The following CSMD1 variants were observed in gnomAD, a reference collection of about 807,000 sequenced individuals.
The protein encoded by CSMD1 is CUB and Sushi multiple domains 1.
CSMD1 carries 213 observed loss-of-function variants against 417.5 expected under a neutral mutation model. That is an observed-to-expected ratio of 0.51 (90% confidence interval 0.46 to 0.57). The LOEUF is 0.57. Ranked by LOEUF, CSMD1 falls within the 20% of genes least tolerant of loss-of-function variation. CSMD1 has a pLI of 0.00. For synonymous variants in CSMD1, 2,862 were observed against 1,736.8 expected, an observed-to-expected ratio of 1.65 and a Z score of -16.11; for missense variants, 6,923 against 4,529.7, an observed-to-expected ratio of 1.53 and a Z score of -15.17.
chr8:4,975,945 A>T (rs1810536028), intron 1 of CSMD1, among the ~76,000 whole-genome samples: 1 of 152,326 alleles, frequency 6.6e-6, no homozygotes, highest in Non-Finnish European at 1.5e-5. Context: ...ACATAATTTT[A>T]TTTACTATGA....
chr8:3,519,125 A>G (rs1013328589), intron 10 of CSMD1, among the ~76,000 whole-genome samples: 1 of 152,212 alleles, frequency 6.6e-6, no homozygotes, highest in African/African-American at 2.4e-5. Flanking sequence ...TGGGTACTGC[A>G]CAACTTAAAA....
At chr8:3,465,259 T>C (rs1041909415) in intron 12 of CSMD1, among the ~76,000 whole-genome samples, 12 of 152,156 alleles carry the variant, frequency 7.9e-5, no homozygotes, top group Admixed American at 6.5e-5. Context: ...TCCACCCTAC[T>C]TGCTTTCTGA....
In CSMD1 at chr8:3,402,502, G is replaced by T. The variant is rs146713539; in HGVS notation, c.2267-2973C>A. ...GTTAGAAGCAGAAGAAAGAGAGAAA[G>T]AGAAACCTTTTGCCCGGAGGCCATA... On this transcript the variant is annotated intron_variant, in intron 15 of 69. Coordinates refer to ENST00000635120, the MANE Select transcript of CSMD1 (RefSeq NM_033225.6). Among the ~76,000 whole-genome samples, 1,249 of 152,258 alleles carry T rather than the reference G, an allele frequency of 8.2e-3. 4 individuals carry two copies. The highest frequency in any genetic ancestry group is 0.015 in the Non-Finnish European group (998 of 68,024).
At chr8:4,851,612 G>A (rs1801487823) in intron 1 of CSMD1, among the ~76,000 whole-genome samples, 1 of 151,962 alleles carries the variant, frequency 6.6e-6, no homozygotes, top group African/African-American at 2.4e-5. Flanking sequence ...AACTCCATGT[G>A]GGAGTTTCAT....
At chr8:3,260,435 G>C (rs1041794676) in intron 26 of CSMD1, among the ~76,000 whole-genome samples, 1 of 151,910 alleles carries the variant, frequency 6.6e-6, no homozygotes, top group Admixed American at 6.6e-5. Flanking sequence ...AGCCCCATCG[G>C]GGTGCATCAA....
At chr8:4,503,116 CTA>C (rs1266794584) in intron 2 of CSMD1, among the ~76,000 whole-genome samples, 1 of 152,092 alleles carries the variant, frequency 6.6e-6, no homozygotes, top group African/African-American at 2.4e-5. Flanking sequence ...TCTTAGAGAA[CTA>C]TGTGTAATGG....
Position 4,077,291 on chromosome 8 carries a change from A to G in CSMD1, c.416-45192T>C, listed in dbSNP as rs567365815. Among the ~76,000 whole-genome samples the G allele has an allele frequency of 1.7e-3, 161 of 92,276 alleles. 3 individuals are homozygous for G. Among genetic ancestry groups the G allele is most frequent in the Middle Eastern group, 5.7e-3 (1 of 174 alleles). 60.5% of individuals were successfully genotyped at this position (92,276 alleles called of 152,430 possible). On this transcript the variant is annotated intron_variant, in intron 3 of 69. Coordinates refer to ENST00000635120, the MANE Select transcript of CSMD1 (RefSeq NM_033225.6). ...GCCCATTTGTCACCTATATATATAT[A>G]TATGTGTATATATATATATATATAT...
intron 1 of CSMD1, among the ~76,000 whole-genome samples, chr8:4,798,601 G>A (rs992960777): frequency 6.6e-6 from 1 of 152,086 alleles, no homozygotes; most frequent in Non-Finnish European, 1.5e-5. Context: ...CTGTGTGTTG[G>A]AATGCTTTTT....
chr8:3,609,447 C>T (rs1372407969), intron 8 of CSMD1, among the ~76,000 whole-genome samples: 1 of 152,130 alleles, frequency 6.6e-6, no homozygotes, highest in African/African-American at 2.4e-5. Context: ...TTCAAATAAG[C>T]AAGCTTTGTA....
chr8:4,739,369 G>T (rs1383684667), intron 1 of CSMD1, among the ~76,000 whole-genome samples: 1 of 152,106 alleles, frequency 6.6e-6, no homozygotes, highest in Non-Finnish European at 1.5e-5. Flanking sequence ...CTTCACAAAT[G>T]TTCAGCTCAG....
intron 1 of CSMD1, among the ~76,000 whole-genome samples, chr8:4,761,905 A>ACC (rs1812123260): frequency 2.6e-5 from 3 of 116,306 alleles, no homozygotes; most frequent in Non-Finnish European, 5.5e-5. Context: ...CTATCTATCT[A>ACC]TCTATCAATC....
At chr8:4,356,867 T>C (rs1053766543) in intron 3 of CSMD1, among the ~76,000 whole-genome samples, 1 of 152,190 alleles carries the variant, frequency 6.6e-6, no homozygotes, top group Non-Finnish European at 1.5e-5. Context: ...TCCTCTAAAA[T>C]CTAGAGGCTG....
chr8:3,188,976 T>C lies in CSMD1; in HGVS notation c.5434A>G (p.Thr1812Ala). 1 of 1,613,446 alleles carries C rather than the reference T, an allele frequency of 6.2e-7. No individual in the cohort carries two copies. Among genetic ancestry groups the C allele is most frequent in the Non-Finnish European group, 8.5e-7 (1 of 1,179,644 alleles). ...TCAGGGTAGCCGGGGGACAGGATTG[T>C]ACCTCTTCGTTGAGTGAAATTGCCA... The part of the protein sequence containing the change: ...CSGNFTQRRG[T>A]ILSPGYPEPY... The change falls in exon 35 of 70, where the codon ACA becomes GCA. Residue 1812 changes from threonine (T) to alanine (A), a missense_variant. Physicochemically the swap from Thr to Ala is moderately conservative, Grantham distance 58 (BLOSUM62 0). Coordinates refer to ENST00000635120, the MANE Select transcript of CSMD1 (RefSeq NM_033225.6).
intron 12 of CSMD1, among the ~76,000 whole-genome samples, chr8:3,428,503 T>G (rs1813998049): frequency 6.6e-6 from 1 of 152,038 alleles, no homozygotes; most frequent in East Asian, 1.9e-4. Flanking sequence ...CAAATAAAAA[T>G]GATGGGGAAA....
intron 3 of CSMD1, among the ~76,000 whole-genome samples, chr8:4,301,337 T>C (rs547939166): frequency 1.3e-5 from 2 of 152,210 alleles, no homozygotes; most frequent in Non-Finnish European, 1.5e-5. Flanking sequence ...ACTCAACTGT[T>C]ATGCTTTTGC....
At chr8:4,025,958 C>G (rs1012452225) in intron 4 of CSMD1, among the ~76,000 whole-genome samples, 1 of 151,154 alleles carries the variant, frequency 6.6e-6, no homozygotes, top group South Asian at 2.1e-4. Context: ...TTTTATAACC[C>G]TGGCAAAAGA....
At chr8:4,271,865 C>A (rs537099660) in intron 3 of CSMD1, among the ~76,000 whole-genome samples, 2 of 152,166 alleles carry the variant, frequency 1.3e-5, no homozygotes, top group African/African-American at 4.8e-5. Flanking sequence ...GTGCATTCCA[C>A]GATGCATACA....
At chr8:2,973,854 GAT>G in intron 56 of CSMD1, among the ~76,000 whole-genome samples, 2 of 151,086 alleles carry the variant, frequency 1.3e-5, no homozygotes, top group African/African-American at 4.9e-5. Context: ...GGTAGAGGAT[GAT>G]GGTAGAGGAT....
At chr8:4,075,859 C>T (rs1376413105) in intron 3 of CSMD1, among the ~76,000 whole-genome samples, 1 of 152,104 alleles carries the variant, frequency 6.6e-6, no homozygotes, top group Non-Finnish European at 1.5e-5. Flanking sequence ...CTCAGGGAGC[C>T]AGTTCATATC....
Sources: gnomAD v4.1 joint callset for allele counts (sites outside exome capture counted in the v4.1 genomes callset) on GRCh38, gnomAD v4.1.1 for gene constraint, MANE v1.5 for transcripts, NCBI Gene and HGNC (gene_info 2026-07-23, HGNC 2026-07-21) for gene names.